The following MAGED1 variants were observed in gnomAD, a reference collection of about 807,000 sequenced individuals.
MAGED1 encodes the protein MAGE family member D1, also known as melanoma-associated antigen D1.
MAGED1 carries 3 observed loss-of-function variants against 54.1 expected under a neutral mutation model. The observed-to-expected ratio is 0.06, with a 90% CI of 0.03 to 0.14. The LOEUF (loss-of-function observed/expected upper bound fraction) is 0.14. MAGED1 is among the 10% of genes least tolerant of loss of function. The pLI is 1.00. For synonymous variants in MAGED1, 217 were observed against 227.3 expected (o/e 0.95, Z 0.41); for missense variants, 485 against 623.4 (o/e 0.78, Z 2.36).
intron 1 of MAGED1, among the ~76,000 whole-genome samples, chrX:51,827,916 A>C (rs1557357069): frequency 8.9e-6 from 1 of 111,759 alleles, no homozygotes; most frequent in African/African-American, 3.2e-5. Flanking sequence ...CACCTTGATT[A>C]CTATAGACTT....
intron 1 of MAGED1, among the ~76,000 whole-genome samples, chrX:51,811,725 A>C (rs1325700780): frequency 9.0e-6 from 1 of 111,422 alleles, no homozygotes; most frequent in Non-Finnish European, 1.9e-5. Context: ...CTTTATTATA[A>C]GAATAATATG....
At chrX:51,831,977 A>G (rs1482735609) in intron 1 of MAGED1, among the ~76,000 whole-genome samples, 1 of 112,107 alleles carries the variant, frequency 8.9e-6, no homozygotes, top group Non-Finnish European at 1.9e-5. Flanking sequence ...GTTAGTGTTT[A>G]TCATTTGTGT....
At chrX:51,822,579 A>G (rs1265019554) in intron 1 of MAGED1, among the ~76,000 whole-genome samples, 3 of 109,235 alleles carry the variant, frequency 2.7e-5, no homozygotes, top group Non-Finnish European at 5.7e-5. Flanking sequence ...CTTTGAGTTT[A>G]GTTTTCTTTT....
At chrX:51,894,493 T>C (rs1557363908) in intron 2 of MAGED1, 144 bp downstream of exon 2, 3 of 806,690 alleles carry the variant, frequency 3.7e-6, no homozygotes, top group Non-Finnish European at 5.5e-6. Context: ...TCCCATCGTT[T>C]ATCGAAGGGG....
At position 51,897,001 on chromosome X, in the gene MAGED1, G is replaced by A. The variant is rs1207718321; in HGVS notation, c.1346G>A (p.Arg449His). 14 of 1,209,616 alleles carry A rather than the reference G, an allele frequency of 1.2e-5. No homozygotes were observed. Among genetic ancestry groups the A allele is most frequent in the South Asian group, 1.8e-5 (1 of 56,641 alleles). The change falls in exon 4 of 13, where the codon CGC becomes CAC. Residue 449 changes from arginine to histidine, a missense_variant. Transcript: ENST00000326587. ...WQNLRPSPNL[R>H]PSPNSRASQN... ...AACCTGCGCCCCTCGCCTAACCTGC[G>A]CCCTTCTCCCAACTCGCGTGCCTCA...
intron 1 of MAGED1, among the ~76,000 whole-genome samples, chrX:51,850,824 C>T (rs1326652973): frequency 7.2e-5 from 8 of 110,537 alleles, no homozygotes; most frequent in Non-Finnish European, 1.3e-4. Context: ...TGCTTGAACC[C>T]GGGAGGTGGA....
chrX:51,859,535 G>A (rs1269229159), intron 1 of MAGED1, among the ~76,000 whole-genome samples: 1 of 111,943 alleles, frequency 8.9e-6, no homozygotes, highest in African/African-American at 3.2e-5. Context: ...CCCACAATTT[G>A]CAAAACCTGA....
At chrX:51,806,805 T>G (rs1411233574) in intron 1 of MAGED1, among the ~76,000 whole-genome samples, 1 of 98,967 alleles carries the variant, frequency 1.0e-5, no homozygotes, top group Non-Finnish European at 2.1e-5. Flanking sequence ...TTTTTTTTTT[T>G]GAGACAAAGT....
At chrX:51,815,812 T>C (rs1557356012) in intron 1 of MAGED1, among the ~76,000 whole-genome samples, 1 of 111,403 alleles carries the variant, frequency 9.0e-6, no homozygotes, top group African/African-American at 3.3e-5. Flanking sequence ...TGAGCCACTG[T>C]GCCCGGCCAT....
At chrX:51,900,146 G>A (rs200463541) in intron 10 of MAGED1, 36 bp from the exon 11 acceptor site, 16 of 898,897 alleles carry the variant, frequency 1.8e-5, no homozygotes, top group Non-Finnish European at 2.4e-5. Flanking sequence ...CATTCTGCCT[G>A]GGTAGGTAGA....
chrX:51,877,231 TA>T (rs1927901866), intron 1 of MAGED1, among the ~76,000 whole-genome samples: 1 of 111,379 alleles, frequency 9.0e-6, no homozygotes, highest in Non-Finnish European at 1.9e-5. Context: ...TTAATAACCT[TA>T]ATGTACAAAG....
At chrX:51,829,549 G>A (rs1192706194) in intron 1 of MAGED1, among the ~76,000 whole-genome samples, 1 of 109,995 alleles carries the variant, frequency 9.1e-6, no homozygotes, top group Non-Finnish European at 1.9e-5. Context: ...AAAAATTAGG[G>A]GACTGTTTAT....
chrX:51,859,601 A>T (rs1557360465), intron 1 of MAGED1, among the ~76,000 whole-genome samples: 1 of 111,814 alleles, frequency 8.9e-6, no homozygotes, highest in Non-Finnish European at 1.9e-5. Context: ...AATCTCTAGA[A>T]CCTGTGAATA....
chrX:51,890,281 T>A (rs1928388552), upstream of MAGED1, among the ~76,000 whole-genome samples: 1 of 112,600 alleles, frequency 8.9e-6, no homozygotes, highest in South Asian at 3.7e-4. Flanking sequence ...TACAACTCCA[T>A]TGGGAGAGTA....
At chrX:51,804,631 A>G (rs1049529602) in intron 1 of MAGED1, among the ~76,000 whole-genome samples, 2 of 111,972 alleles carry the variant, frequency 1.8e-5, no homozygotes, top group East Asian at 5.5e-4. Flanking sequence ...GGAGACAGAC[A>G]ATAACTTAAT....
intron 1 of MAGED1, among the ~76,000 whole-genome samples, chrX:51,826,111 G>A (rs782161969): frequency 8.9e-6 from 1 of 112,530 alleles, no homozygotes; most frequent in Admixed American, 9.4e-5. Flanking sequence ...CTGAAATGCC[G>A]CAGACTCTCC....
At chrX:51,876,122 G>A (rs1557361987) in intron 1 of MAGED1, among the ~76,000 whole-genome samples, 1 of 111,589 alleles carries the variant, frequency 9.0e-6, no homozygotes, top group Non-Finnish European at 1.9e-5. Context: ...GTGAGAAAAT[G>A]TGTGAAGAGC....
chrX:51,887,835 A>G (rs1191030717), intron 1 of MAGED1, among the ~76,000 whole-genome samples: 1 of 110,076 alleles, frequency 9.1e-6, no homozygotes, highest in Non-Finnish European at 1.9e-5. Context: ...AAAACCCACA[A>G]TCCATAAAAG....
At chrX:51,886,639 C>A (rs369969239) in intron 1 of MAGED1, among the ~76,000 whole-genome samples, 122 of 100,943 alleles carry the variant, frequency 1.2e-3, no homozygotes, top group Non-Finnish European at 1.7e-3. Flanking sequence ...CCAAAATCTA[C>A]AAAAAAAAAG....
Sources: allele counts gnomAD v4.1 joint callset (sites outside exome capture counted in the v4.1 genomes callset), GRCh38; gene constraint gnomAD v4.1.1; transcripts MANE v1.5; gene names NCBI Gene and HGNC (gene_info 2026-07-23, HGNC 2026-07-21).